The following NLGN4X variants were observed in gnomAD, a reference collection of about 807,000 sequenced individuals.
NLGN4X encodes neuroligin-4, X-linked.
Under a neutral mutation model 40.3 loss-of-function variants are expected in NLGN4X, and 3 were observed. The ratio of observed to expected loss-of-function variants is 0.07; its 90% CI spans 0.03 to 0.19. NLGN4X has a LOEUF of 0.19. Among genes scored for constraint, NLGN4X ranks in the 10% least tolerant of loss-of-function variants. The pLI is 1.00. For missense variants in NLGN4X, 382 were observed against 708.3 expected (o/e 0.54, Z 5.23); for synonymous variants, 270 against 306.8 (o/e 0.88, Z 1.25).
At chrX:5,899,936 G>T (rs908851205) in intron 5 of NLGN4X, among the ~76,000 whole-genome samples, 10 of 112,185 alleles carry the variant, frequency 8.9e-5, no homozygotes, top group Admixed American at 9.4e-5. Flanking sequence ...AGTAAGTAAA[G>T]AGAGTGTTTG....
At chrX:6,139,143 T>C (rs1159135415) in intron 2 of NLGN4X, among the ~76,000 whole-genome samples, 2 of 111,952 alleles carry the variant, frequency 1.8e-5, no homozygotes, top group African/African-American at 6.5e-5. Flanking sequence ...ATTTCCAATA[T>C]AAAATTATGA....
chrX:6,089,328 G>A (rs998913305), intron 2 of NLGN4X, among the ~76,000 whole-genome samples: 1 of 111,473 alleles, frequency 9.0e-6, no homozygotes, highest in Non-Finnish European at 1.9e-5. Context: ...ATTTGATATC[G>A]CCCTTTAGTA....
At chrX:6,048,124 T>C (rs1353683717) in intron 2 of NLGN4X, among the ~76,000 whole-genome samples, 1 of 111,758 alleles carries the variant, frequency 8.9e-6, no homozygotes, top group Non-Finnish European at 1.9e-5. Context: ...CGATCCACTC[T>C]GTGAAATGTC....
rs1484743156 is a variant in NLGN4X at position 5,890,245 on chromosome X, T to G, written c.*2572A>C. 6.0e-6 allele frequency: 1 copy of G among 167,981 alleles called. No homozygotes were observed. The highest frequency in any genetic ancestry group is 3.3e-5 in the African/African-American group (1 of 30,487). The allele number at this position is 167,981 out of a possible 1,213,427, so 13.8% of individuals were successfully genotyped here. On this transcript the variant is annotated 3_prime_UTR_variant, in exon 6 of 6. Coordinates refer to ENST00000381095, the MANE Select transcript of NLGN4X (RefSeq NM_181332.3). ...GGACAGGATTTTTTTTTTTCTTACT[T>G]TTTTCTCATTTTTTTTCTTTTTTCT...
chrX:6,117,943 C>T (rs1447456349), intron 2 of NLGN4X, among the ~76,000 whole-genome samples: 1 of 106,606 alleles, frequency 9.4e-6, no homozygotes, highest in Non-Finnish European at 1.9e-5. Context: ...CAGTGAGGTG[C>T]AACATAAGAG....
chrX:6,071,104 G>A (rs1422831622), intron 2 of NLGN4X, among the ~76,000 whole-genome samples: 1 of 111,491 alleles, frequency 9.0e-6, no homozygotes, highest in Non-Finnish European at 1.9e-5. Flanking sequence ...ACTGCAGCCT[G>A]GGCAAGACAG....
At position 5,890,227 on chromosome X, in the gene NLGN4X, ATTTTT is replaced by A; in HGVS notation, c.*2585_*2589del. The A allele has an allele frequency of 6.4e-6, 1 of 157,152 alleles. No individual in the cohort carries two copies. Among genetic ancestry groups the A allele is most frequent in the South Asian group, 1.2e-4 (1 of 8,625 alleles). 13.0% of individuals were successfully genotyped at this position (157,152 alleles called of 1,213,427 possible). A position where few individuals can be genotyped will look rare whatever the true frequency, so the allele number is the denominator to read the frequency against. On this transcript the variant is annotated 3_prime_UTR_variant, in exon 6 of 6. Transcript: ENST00000381095. Reference sequence around the variant, plus strand: ...ATCAAGAGTAAAAGCCTAGGACAGGATTTTTTTTTTTCTTACTTTTTTCTCATTTT... The same window carrying A: ...ATCAAGAGTAAAAGCCTAGGACAGGATTTTTTCTTACTTTTTTCTCATTTT...
At chrX:5,964,913 C>T (rs1190947497) in intron 3 of NLGN4X, among the ~76,000 whole-genome samples, 1 of 112,130 alleles carries the variant, frequency 8.9e-6, no homozygotes, top group East Asian at 2.8e-4. Context: ...AAGAAGAGAA[C>T]CTCTTCTAGA....
intron 2 of NLGN4X, among the ~76,000 whole-genome samples, chrX:6,150,024 G>A (rs1234943722): frequency 9.2e-6 from 1 of 108,824 alleles, no homozygotes. Context: ...CACTTTCCAC[G>A]AAGAACTTTA....
At chrX:6,095,804 G>A (rs1330627015) in intron 2 of NLGN4X, among the ~76,000 whole-genome samples, 1 of 111,568 alleles carries the variant, frequency 9.0e-6, no homozygotes, top group African/African-American at 3.3e-5. Context: ...ATCTTACAAC[G>A]CACAGGAAGC....
chrX:6,081,138 A>C (rs1413419768), intron 2 of NLGN4X, among the ~76,000 whole-genome samples: 1 of 111,606 alleles, frequency 9.0e-6, no homozygotes, highest in Non-Finnish European at 1.9e-5. Context: ...AAAAACAAAA[A>C]TTATCCAGGC....
At chrX:6,010,513 TTTA>T (rs58321620) in intron 3 of NLGN4X, among the ~76,000 whole-genome samples, 1,023 of 95,378 alleles carry the variant, frequency 0.011, 5 homozygotes, top group African/African-American at 0.024. Context: ...TTCTTTTTAT[TTTA>T]TTATTATTAT....
intron 1 of NLGN4X, among the ~76,000 whole-genome samples, chrX:6,191,001 A>G (rs1372987716): frequency 9.0e-6 from 1 of 110,949 alleles, no homozygotes; most frequent in African/African-American, 3.3e-5. Context: ...GCAGACAATT[A>G]TTTCAAAATC....
chrX:6,009,547 C>T (rs755782433), intron 3 of NLGN4X, among the ~76,000 whole-genome samples: 8 of 112,432 alleles, frequency 7.1e-5, no homozygotes, highest in Non-Finnish European at 1.5e-4. Flanking sequence ...TGTACTGTCC[C>T]AGGCTCCTAA....
chrX:5,907,987 G>GAGAGAGAGGA (rs1316206740), intron 4 of NLGN4X, among the ~76,000 whole-genome samples: 2 of 95,459 alleles, frequency 2.1e-5, no homozygotes, highest in Non-Finnish European at 4.2e-5. Flanking sequence ...CAGAGAAAAG[G>GAGAGAGAGGA]AGAGAGAGGA....
intron 3 of NLGN4X, among the ~76,000 whole-genome samples, chrX:5,931,009 G>C (rs1298565822): frequency 9.0e-6 from 1 of 111,509 alleles, no homozygotes; most frequent in Non-Finnish European, 1.9e-5. Flanking sequence ...TCTCATGGCA[G>C]TAAATGTTCC....
intron 1 of NLGN4X, among the ~76,000 whole-genome samples, chrX:6,175,668 A>AAAAAT (rs1340820836): frequency 9.3e-6 from 1 of 108,102 alleles, no homozygotes; most frequent in Non-Finnish European, 1.9e-5. Flanking sequence ...AAAAAAAAAA[A>AAAAAT]AAAAACAAGA....
intron 2 of NLGN4X, among the ~76,000 whole-genome samples, chrX:6,035,755 G>A (rs1017101653): frequency 2.7e-5 from 3 of 111,040 alleles, no homozygotes; most frequent in East Asian, 2.8e-4. Flanking sequence ...CCTCTCCCTC[G>A]TCCTCCTCAG....
At chrX:6,075,732 C>T (rs1305391958) in intron 2 of NLGN4X, among the ~76,000 whole-genome samples, 1 of 111,158 alleles carries the variant, frequency 9.0e-6, no homozygotes, top group Admixed American at 9.6e-5. Flanking sequence ...TCTCTTGCCA[C>T]GTGATCTTTG....
Sources: gnomAD v4.1 joint callset for allele counts (sites outside exome capture counted in the v4.1 genomes callset) on GRCh38, gnomAD v4.1.1 for gene constraint, MANE v1.5 for transcripts, NCBI Gene and HGNC (gene_info 2026-07-23, HGNC 2026-07-21) for gene names.